The following ATL2 variants were observed in gnomAD, a reference collection of about 807,000 sequenced individuals.
ATL2 encodes the protein atlastin-2.
ATL2 carries 31 observed loss-of-function variants against 73.9 expected under a neutral mutation model. The observed-to-expected ratio is 0.42, with a 90% CI of 0.32 to 0.57. ATL2 has a LOEUF of 0.57. ATL2 is among the 20% of genes least tolerant of loss of function. ATL2 has a pLI of 0.14. For synonymous variants in ATL2, 291 were observed against 237.5 expected, an observed-to-expected ratio of 1.23 and a Z score of -2.07; for missense variants, 738 against 702.6, an observed-to-expected ratio of 1.05 and a Z score of -0.57.
At chr2:38,322,857 T>G (rs761616431) in intron 2 of ATL2, among the ~76,000 whole-genome samples, 1 of 152,128 alleles carries the variant, frequency 6.6e-6, no homozygotes, top group Non-Finnish European at 1.5e-5. Context: ...CCAGCCTGGA[T>G]GACAGAGTGA....
At chr2:38,337,180 C>T (rs1669406856) in intron 2 of ATL2, among the ~76,000 whole-genome samples, 1 of 151,532 alleles carries the variant, frequency 6.6e-6, no homozygotes, top group South Asian at 2.1e-4. Flanking sequence ...AAAACAAAAA[C>T]AAAAACGAAA....
chr2:38,337,486 CAAAAAAAA>C lies in ATL2; in HGVS notation c.363+5774_363+5781del, dbSNP rs755029194. ...TGGCGACAGAACAAGACTCTGTCTCCAAAAAAAAAAAAAAAAAAAAAAAAAAAAAAAGG... is the reference window on the plus strand; with the variant it reads ...TGGCGACAGAACAAGACTCTGTCTCCAAAAAAAAAAAAAAAAAAAAAAAGG... On this transcript the variant is annotated intron_variant, in intron 2 of 12. Transcript: ENST00000378954. Among the ~76,000 whole-genome samples, 75 of 21,646 alleles carry C rather than the reference CAAAAAAAA, an allele frequency of 3.5e-3. No homozygotes were observed. In the South Asian group the frequency reaches 0.037, roughly 11 times the overall value. 14.2% of individuals were successfully genotyped at this position (21,646 alleles called of 152,430 possible).
At chr2:38,344,568 C>G (rs903575870) in intron 1 of ATL2, among the ~76,000 whole-genome samples, 1 of 152,152 alleles carries the variant, frequency 6.6e-6, no homozygotes, top group African/African-American at 2.4e-5. Context: ...TGAGATTGCA[C>G]CACTGCATTC....
chr2:38,320,693 G>A (rs1348480302), intron 2 of ATL2, among the ~76,000 whole-genome samples: 1 of 152,042 alleles, frequency 6.6e-6, no homozygotes, highest in Non-Finnish European at 1.5e-5. Context: ...CAGGAAAAAC[G>A]CCTTTGTTTC....
chr2:38,349,747 A>C (rs887432452), intron 1 of ATL2, among the ~76,000 whole-genome samples: 1 of 152,152 alleles, frequency 6.6e-6, no homozygotes, highest in African/African-American at 2.4e-5. Context: ...AAATTCACCT[A>C]TATTAGTTGG....
intron 1 of ATL2, among the ~76,000 whole-genome samples, chr2:38,368,094 C>A (rs947365132): frequency 6.6e-6 from 1 of 151,984 alleles, no homozygotes; most frequent in African/African-American, 2.4e-5. Flanking sequence ...GCCACCACGC[C>A]CGGCTAATTT....
At chr2:38,317,793 C>A (rs922050095) in intron 4 of ATL2, among the ~76,000 whole-genome samples, 5 of 114,408 alleles carry the variant, frequency 4.4e-5, no homozygotes, top group Non-Finnish European at 6.8e-5. Context: ...CATGTGATAT[C>A]TTTTCCTTTA....
At chr2:38,324,692 T>C (rs1668500987) in intron 2 of ATL2, among the ~76,000 whole-genome samples, 1 of 152,342 alleles carries the variant, frequency 6.6e-6, no homozygotes. Context: ...CTTAGGTACA[T>C]GCTGAAGAGG....
intron 2 of ATL2, among the ~76,000 whole-genome samples, chr2:38,319,574 G>A (rs1037283698): frequency 6.7e-6 from 1 of 150,294 alleles, no homozygotes; most frequent in Non-Finnish European, 1.5e-5. Flanking sequence ...ACTCCAGCCT[G>A]GGTGACAGAG....
intron 8 of ATL2, among the ~76,000 whole-genome samples, chr2:38,309,997 T>C (rs1230277402): frequency 1.3e-5 from 2 of 152,164 alleles, no homozygotes; most frequent in Non-Finnish European, 2.9e-5. Context: ...ATTTCATCAA[T>C]ATAATAAAAT....
chr2:38,359,067 G>A (rs1185571554), intron 1 of ATL2, among the ~76,000 whole-genome samples: 1 of 152,098 alleles, frequency 6.6e-6, no homozygotes, highest in East Asian at 1.9e-4. Context: ...AAATTTTAAA[G>A]ACTCCAGGAA....
intron 2 of ATL2, among the ~76,000 whole-genome samples, chr2:38,328,708 G>A (rs922727970): frequency 3.9e-5 from 6 of 152,078 alleles, no homozygotes; most frequent in African/African-American, 1.4e-4. Context: ...AGCATTAGAT[G>A]CATACAGTAG....
rs370768877 is a variant in ATL2 at position 38,315,205 on chromosome 2, T to A, written c.654+79A>T. On this transcript the variant is annotated intron_variant, in intron 5 of 12. Coordinates refer to ENST00000378954, the MANE Select transcript of ATL2 (RefSeq NM_001135673.4). ...GGGGGAGGTTGCAGTGAACCAAGAT[T>A]GTGCCACCGTACTCTAGTCTGGGGA... The A allele has an allele frequency of 2.6e-4, 340 of 1,308,424 alleles. 1 individual carries two copies. In the African/African-American group the frequency reaches 4.9e-3, roughly 19 times the overall value. The allele number at this position is 1,308,424 out of a possible 1,614,324, so 81.1% of individuals were successfully genotyped here.
intron 9 of ATL2, 21 bp downstream of exon 9, chr2:38,309,358 A>G (rs2148418775): frequency 1.9e-6 from 3 of 1,583,034 alleles, no homozygotes; most frequent in Non-Finnish European, 2.6e-6. Flanking sequence ...CTTAGACAAA[A>G]CTGTTTAAGA....
chr2:38,325,685 C>CACCAGT (rs1668586159), intron 2 of ATL2, among the ~76,000 whole-genome samples: 2 of 76,398 alleles, frequency 2.6e-5, no homozygotes, highest in Admixed American at 1.6e-4. Flanking sequence ...CACACACACA[C>CACCAGT]ACACACACAC....
At chr2:38,377,526 G>A (rs1463829033), upstream of ATL2, among the ~76,000 whole-genome samples, 5 of 151,678 alleles carry the variant, frequency 3.3e-5, no homozygotes, top group Non-Finnish European at 5.9e-5. Flanking sequence ...GTTGGACTGG[G>A]GCGGGGGTGT....
At chr2:38,370,403 C>T (rs60416349) in intron 1 of ATL2, among the ~76,000 whole-genome samples, 17,574 of 137,790 alleles carry the variant, frequency 0.13, 3,206 homozygotes, top group African/African-American at 0.41. Flanking sequence ...GAGCCAAGAT[C>T]GCGCCACTGC....
intron 7 of ATL2, among the ~76,000 whole-genome samples, chr2:38,311,408 C>A (rs1050103425): frequency 1.3e-5 from 2 of 152,192 alleles, no homozygotes; most frequent in Non-Finnish European, 2.9e-5. Context: ...TTCTGGAAAA[C>A]AATTTTAACA....
At chr2:38,314,014 C>G (rs774652196) in intron 6 of ATL2, among the ~76,000 whole-genome samples, 7 of 152,126 alleles carry the variant, frequency 4.6e-5, no homozygotes, top group Non-Finnish European at 7.4e-5. Context: ...AAGAGTGAGG[C>G]AGAATCAATG....
Sources: gnomAD v4.1 joint callset for allele counts (sites outside exome capture counted in the v4.1 genomes callset) on GRCh38, gnomAD v4.1.1 for gene constraint, MANE v1.5 for transcripts, NCBI Gene and HGNC (gene_info 2026-07-23, HGNC 2026-07-21) for gene names.